The following SNX9 variants were observed in gnomAD, a reference collection of about 807,000 sequenced individuals.
SNX9 encodes sorting nexin 9.
In SNX9, 44 loss-of-function variants were observed where a neutral mutation model predicts 89.4. That is an observed-to-expected ratio of 0.49 (90% CI 0.39 to 0.63). The LOEUF (loss-of-function observed/expected upper bound fraction) is 0.63, where lower values mean the gene tolerates loss of function less well. Among genes scored for constraint, SNX9 ranks in the 30% least tolerant of loss-of-function variants. The pLI is 0.00. For missense variants in SNX9, 578 were observed against 736.1 expected (o/e 0.79, Z 2.49); for synonymous variants, 236 against 247.8 (o/e 0.95, Z 0.45).
chr6:157,941,385 C>A (rs956828592), intron 17 of SNX9, among the ~76,000 whole-genome samples: 1 of 152,128 alleles, frequency 6.6e-6, no homozygotes, highest in African/African-American at 2.4e-5. Flanking sequence ...GCAGCCTTTG[C>A]TTTTTGTGAA....
intron 1 of SNX9, among the ~76,000 whole-genome samples, chr6:157,866,776 A>G (rs1380348338): frequency 6.6e-6 from 1 of 152,142 alleles, no homozygotes; most frequent in Non-Finnish European, 1.5e-5. Flanking sequence ...TTTTAATAGC[A>G]AGCGATTCTT....
At chr6:157,875,274 A>C in intron 4 of SNX9, 98 bp downstream of exon 4, 1 of 1,428,350 alleles carries the variant, frequency 7.0e-7, no homozygotes, top group Non-Finnish European at 9.2e-7. Context: ...GCCATTCCCC[A>C]AAAGCAAAAA....
intron 1 of SNX9, among the ~76,000 whole-genome samples, chr6:157,827,763 T>C (rs1232223718): frequency 6.6e-6 from 1 of 151,328 alleles, no homozygotes; most frequent in East Asian, 1.9e-4. Flanking sequence ...AGCTGTAATT[T>C]CTACGTCAAA....
chr6:157,937,240 T>C (rs1783944512), intron 14 of SNX9, among the ~76,000 whole-genome samples, 194 bp from the exon 15 acceptor site: 1 of 152,254 alleles, frequency 6.6e-6, no homozygotes, highest in Non-Finnish European at 1.5e-5. Context: ...TTTTGTTGTT[T>C]TCTTTACAAC....
intron 1 of SNX9, among the ~76,000 whole-genome samples, chr6:157,837,717 A>G (rs917445767): frequency 4.6e-5 from 7 of 152,226 alleles, no homozygotes; most frequent in Non-Finnish European, 1.0e-4. Context: ...ACCCATATGC[A>G]TGAAGGCATG....
chr6:157,840,743 T>A (rs1781688781), intron 1 of SNX9, among the ~76,000 whole-genome samples: 1 of 152,174 alleles, frequency 6.6e-6, no homozygotes, highest in African/African-American at 2.4e-5. Context: ...AATACCCCAG[T>A]CAAATCAGCT....
intron 1 of SNX9, among the ~76,000 whole-genome samples, chr6:157,854,974 A>G (rs926852783): frequency 1.3e-5 from 2 of 148,700 alleles, no homozygotes; most frequent in African/African-American, 5.0e-5. Context: ...AAAAAACCCC[A>G]CAACACTACA....
In SNX9 at chr6:157,867,556, A is replaced by G. The variant is rs1191149923; in HGVS notation, c.22A>G (p.Met8Val). Residue 8 changes from methionine to valine, a missense_variant, in exon 2 of 18, where the codon ATG becomes GTG. This residue lies in a region of SNX9 where 230 missense variants were observed against 244.7 expected (regional missense o/e 0.94). Transcript: ENST00000392185. ...TCTCCACTCCTGATAGGCTCGGGTT[A>G]TGTATGATTTTGCTGCTGAACCTGG... MATKARV[M>V]YDFAAEPGNN... The G allele has an allele frequency of 3.1e-6, 5 of 1,612,012 alleles. No individual in the cohort carries two copies. Among genetic ancestry groups the G allele is most frequent in the Non-Finnish European group, 4.2e-6 (5 of 1,178,642 alleles).
chr6:157,919,979 G>T (rs529570390), intron 9 of SNX9, among the ~76,000 whole-genome samples: 4 of 151,888 alleles, frequency 2.6e-5, no homozygotes, highest in East Asian at 3.9e-4. Context: ...TTGTTTGTTT[G>T]TTTTATATTT....
intron 1 of SNX9, among the ~76,000 whole-genome samples, chr6:157,836,038 CCT>C (rs1781575725): frequency 6.6e-6 from 1 of 152,138 alleles, no homozygotes; most frequent in South Asian, 2.1e-4. Context: ...CACAAGCAAT[CCT>C]TCTGCCTCAG....
intron 4 of SNX9, among the ~76,000 whole-genome samples, chr6:157,888,634 TCTC>T (rs61268876): frequency 0.03 from 4,564 of 152,258 alleles, 222 homozygotes; most frequent in African/African-American, 0.1. Context: ...TTCTTCTCCT[TCTC>T]CTTCTCCTTC....
chr6:157,870,747 C>A (rs983231289), intron 2 of SNX9, among the ~76,000 whole-genome samples: 3 of 151,312 alleles, frequency 2.0e-5, no homozygotes, highest in African/African-American at 4.9e-5. Context: ...AGCATGCACA[C>A]CCCTCAGACA....
At chr6:157,897,509 GTTA>G (rs1783005371) in intron 5 of SNX9, among the ~76,000 whole-genome samples, 1 of 151,912 alleles carries the variant, frequency 6.6e-6, no homozygotes, top group Non-Finnish European at 1.5e-5. Flanking sequence ...ATCGATTATT[GTTA>G]TTATTATTCT....
At chr6:157,859,854 ACT>A (rs1187586765) in intron 1 of SNX9, among the ~76,000 whole-genome samples, 2 of 152,000 alleles carry the variant, frequency 1.3e-5, no homozygotes, top group Non-Finnish European at 2.9e-5. Flanking sequence ...AATTGAAAAT[ACT>A]CTTTCCTTTA....
chr6:157,888,552 G>A (rs1365639551), intron 4 of SNX9, among the ~76,000 whole-genome samples: 1 of 152,136 alleles, frequency 6.6e-6, no homozygotes, highest in Non-Finnish European at 1.5e-5. Context: ...TGTTCACTGG[G>A]CACCTTTTTT....
rs140767756 is a variant in SNX9 at position 157,875,151 on chromosome 6, C to T, written c.275C>T (p.Ser92Leu). ...SLSASTAQAS[S>L]SAASNNHQVG... ...TCAGCCAGCACAGCTCAGGCCAGTT[C>T]GTCGGCTGCCAGCAACAATCACCAG... The change falls in exon 4 of 18, where the codon TCG becomes TTG. Residue 92 changes from serine (S) to leucine (L), a missense_variant. Physicochemically the swap from Ser to Leu is moderately radical, Grantham distance 145 (BLOSUM62 -2). Coordinates refer to ENST00000392185, the MANE Select transcript of SNX9 (RefSeq NM_016224.5). 1.8e-5 allele frequency: 29 copies of T among 1,609,342 alleles called. No homozygotes were observed. In the East Asian group the frequency reaches 2.7e-4, roughly 15 times the overall value.
rs776661780 is a variant in SNX9, at chr6:157,940,891, A to G, written c.1657A>G (p.Asn553Asp). The part of the protein sequence containing the change: ...IMSYALQAEM[N>D]HFHSNRIYDY... ...TCTGATTTGGGTTGTAGCTGAGATGAATCACTTTCACAGTAACCGGATCTA... is the reference window on the plus strand; with the variant it reads ...TCTGATTTGGGTTGTAGCTGAGATGGATCACTTTCACAGTAACCGGATCTA... The change falls in exon 17 of 18, where the codon AAT becomes GAT. Residue 553 changes from asparagine (N) to aspartate (D), a missense_variant. Transcript: ENST00000392185. 6.2e-7 allele frequency: 1 copy of G among 1,614,100 alleles called. No homozygotes were observed. The highest frequency in any genetic ancestry group is 2.2e-5 in the East Asian group (1 of 44,888).
At chr6:157,855,066 A>G (rs903970451) in intron 1 of SNX9, among the ~76,000 whole-genome samples, 1 of 151,742 alleles carries the variant, frequency 6.6e-6, no homozygotes, top group African/African-American at 2.4e-5. Context: ...GGGCAGTGTT[A>G]CCCATTTCTT....
At chr6:157,879,560 T>G (rs1782585324) in intron 4 of SNX9, among the ~76,000 whole-genome samples, 1 of 152,260 alleles carries the variant, frequency 6.6e-6, no homozygotes, top group Non-Finnish European at 1.5e-5. Flanking sequence ...TTATTACCTT[T>G]GAAAAGAAAG....
Sources: gnomAD v4.1 joint callset for allele counts (sites outside exome capture counted in the v4.1 genomes callset) on GRCh38, gnomAD v4.1.1 for gene constraint, gnomAD v4.1.1 regional missense constraint, MANE v1.5 for transcripts, NCBI Gene and HGNC (gene_info 2026-07-23, HGNC 2026-07-21) for gene names.